TSHZ2: variants seen among roughly 807,000 people sequenced by gnomAD.
The protein encoded by TSHZ2 is teashirt homolog 2.
TSHZ2 carries 21 observed loss-of-function variants against 74.4 expected under a neutral mutation model. The ratio of observed to expected loss-of-function variants is 0.28; its 90% confidence interval spans 0.20 to 0.41. The LOEUF (loss-of-function observed/expected upper bound fraction) is 0.41, where lower values mean the gene tolerates loss of function less well. TSHZ2 is among the 10% of genes least tolerant of loss of function. TSHZ2 has a pLI of 1.00. For synonymous variants in TSHZ2, 540 were observed against 515.3 expected (o/e 1.05, Z -0.65); for missense variants, 1,244 against 1,293.5 (o/e 0.96, Z 0.59).
At chr20:53,270,345 C>T (rs1264997138) in intron 2 of TSHZ2, among the ~76,000 whole-genome samples, 1 of 152,100 alleles carries the variant, frequency 6.6e-6, no homozygotes, top group Admixed American at 6.5e-5. Flanking sequence ...AGCTCTGAGT[C>T]CTAAGCTGCT....
intron 1 of TSHZ2, among the ~76,000 whole-genome samples, chr20:53,237,524 T>C (rs1234153846): frequency 6.6e-6 from 1 of 150,538 alleles, no homozygotes; most frequent in African/African-American, 2.5e-5. Context: ...TGTGTGTGTG[T>C]GTGCGCGTGC....
intron 2 of TSHZ2, among the ~76,000 whole-genome samples, chr20:53,484,407 A>C (rs1419342491): frequency 7.1e-6 from 1 of 140,100 alleles, no homozygotes. Flanking sequence ...TTTTTTTAAG[A>C]CAGAGTCTCA....
chr20:53,386,480 G>A (rs1419225516), intron 2 of TSHZ2, among the ~76,000 whole-genome samples: 6 of 152,166 alleles, frequency 3.9e-5, no homozygotes, highest in Non-Finnish European at 5.9e-5. Flanking sequence ...TTGTGAGCTG[G>A]CACTAATGAT....
At chr20:53,061,416 T>G (rs1274473724) in intron 1 of TSHZ2, among the ~76,000 whole-genome samples, 1 of 152,138 alleles carries the variant, frequency 6.6e-6, no homozygotes, top group Non-Finnish European at 1.5e-5. Context: ...CCCTGAGTCA[T>G]TCTAACAGAG....
At chr20:53,364,943 C>T (rs1390130105) in intron 2 of TSHZ2, among the ~76,000 whole-genome samples, 4 of 152,352 alleles carry the variant, frequency 2.6e-5, no homozygotes, top group East Asian at 1.9e-4. Context: ...GTTTTAGAAA[C>T]GAGATGCTCC....
chr20:53,385,704 C>T (rs769457364), intron 2 of TSHZ2, among the ~76,000 whole-genome samples: 18 of 152,168 alleles, frequency 1.2e-4, no homozygotes, highest in Admixed American at 2.6e-4. Context: ...ACTTGGTCCA[C>T]GGGGAGCTTC....
intron 1 of TSHZ2, among the ~76,000 whole-genome samples, chr20:53,003,295 T>TGTGTGA (rs1982511725): frequency 6.9e-6 from 1 of 144,910 alleles, no homozygotes; most frequent in South Asian, 2.2e-4. Flanking sequence ...TGTGTGTGTG[T>TGTGTGA]GAAATTTTTT....
intron 1 of TSHZ2, among the ~76,000 whole-genome samples, chr20:53,046,311 G>A (rs77887401): frequency 1.0e-3 from 155 of 152,246 alleles, no homozygotes; most frequent in Non-Finnish European, 1.8e-3. Context: ...CCACAGCCAC[G>A]TGACCTCCGC....
intron 1 of TSHZ2, among the ~76,000 whole-genome samples, chr20:53,061,405 A>G (rs1378674320): frequency 6.6e-6 from 1 of 152,174 alleles, no homozygotes; most frequent in East Asian, 1.9e-4. Flanking sequence ...GTCAAAAGAC[A>G]CCCTGAGTCA....
intron 1 of TSHZ2, among the ~76,000 whole-genome samples, chr20:53,212,378 T>C (rs1184218876): frequency 6.6e-6 from 1 of 152,234 alleles, no homozygotes; most frequent in South Asian, 2.1e-4. Flanking sequence ...TTCCCGCTAA[T>C]GAAAAGCTGT....
intron 2 of TSHZ2, among the ~76,000 whole-genome samples, chr20:53,432,882 A>G (rs1983896557): frequency 1.3e-5 from 2 of 152,220 alleles, no homozygotes; most frequent in African/African-American, 4.8e-5. Flanking sequence ...CCATCCCAAC[A>G]TCCAGAAGTA....
chr20:53,457,871 G>A (rs1985168783), intron 2 of TSHZ2, among the ~76,000 whole-genome samples: 1 of 151,016 alleles, frequency 6.6e-6, no homozygotes, highest in Non-Finnish European at 1.5e-5. Flanking sequence ...TTATTGATTT[G>A]CCTATATTGA....
intron 1 of TSHZ2, among the ~76,000 whole-genome samples, chr20:53,231,307 C>G (rs1294991302): frequency 6.6e-6 from 1 of 152,216 alleles, no homozygotes; most frequent in Non-Finnish European, 1.5e-5. Context: ...ACTAGCTGCA[C>G]TTGTAAATCA....
intron 1 of TSHZ2, among the ~76,000 whole-genome samples, chr20:53,093,529 T>A (rs1249274177): frequency 6.6e-6 from 1 of 152,248 alleles, no homozygotes; most frequent in East Asian, 1.9e-4. Context: ...AAGCAGTGCA[T>A]GGAGCTCTTT....
At position 53,112,993 on chromosome 20, in the gene TSHZ2, T is replaced by C. The variant is rs181079825; in HGVS notation, c.40+139660T>C. On this transcript the variant is annotated intron_variant, in intron 1 of 2. Coordinates refer to ENST00000371497, the MANE Select transcript of TSHZ2 (RefSeq NM_173485.6). ...GCAAGGGTGGAAGGCACAAGTTAAC[T>C]TGGCAGGACCCATAATTTTCAAATT... Among the ~76,000 whole-genome samples, 434 of 152,340 alleles carry C rather than the reference T, an allele frequency of 2.8e-3. 1 individual carries two copies. Among genetic ancestry groups the C allele is most frequent in the African/African-American group, 9.2e-3 (381 of 41,582 alleles).
chr20:53,234,481 G>T (rs1174089697), intron 1 of TSHZ2, among the ~76,000 whole-genome samples: 1 of 152,130 alleles, frequency 6.6e-6, no homozygotes, highest in East Asian at 1.9e-4. Context: ...AAATAATAAA[G>T]AAGTAAATTC....
At chr20:52,973,595 T>G (rs1164131790) in intron 1 of TSHZ2, among the ~76,000 whole-genome samples, 1 of 152,180 alleles carries the variant, frequency 6.6e-6, no homozygotes, top group Admixed American at 6.5e-5. Flanking sequence ...ACCCCACCCC[T>G]AACTTTCTTC....
chr20:52,985,953 C>T (rs1981738258), intron 1 of TSHZ2, among the ~76,000 whole-genome samples: 1 of 152,166 alleles, frequency 6.6e-6, no homozygotes, highest in Non-Finnish European at 1.5e-5. Context: ...AAAGTAATGT[C>T]CCTTCTTCAT....
chr20:53,370,657 A>T (rs1030947309), intron 2 of TSHZ2, among the ~76,000 whole-genome samples: 2 of 152,062 alleles, frequency 1.3e-5, no homozygotes, highest in African/African-American at 4.8e-5. Flanking sequence ...CCAGATACTC[A>T]GGGGGCTGAG....
Sources: gnomAD v4.1 joint callset for allele counts (sites outside exome capture counted in the v4.1 genomes callset) on GRCh38, gnomAD v4.1.1 for gene constraint, MANE v1.5 for transcripts, NCBI Gene and HGNC (gene_info 2026-07-23, HGNC 2026-07-21) for gene names.